Variants in PEBP4 observed in about 807,000 individuals in gnomAD.
PEBP4 encodes the protein phosphatidylethanolamine-binding protein 4.
In PEBP4, 22 loss-of-function variants were observed where a neutral mutation model predicts 23.9. That is an observed-to-expected ratio of 0.92 (90% confidence interval 0.66 to 1.31). The LOEUF is 1.31. Among genes scored for constraint, PEBP4 ranks in the 40% most tolerant of loss-of-function variants. PEBP4 has a pLI of 0.00. For missense variants in PEBP4, 324 were observed against 281.7 expected (o/e 1.15, Z -1.07); for synonymous variants, 112 against 99.3 (o/e 1.13, Z -0.76).
intron 4 of PEBP4, among the ~76,000 whole-genome samples, chr8:22,797,847 G>C (rs1021123563): frequency 1.3e-5 from 2 of 152,214 alleles, no homozygotes; most frequent in Non-Finnish European, 2.9e-5. Context: ...GTCAGAGTGA[G>C]TGCCCTGACC....
At chr8:22,793,614 T>G (rs1021654612) in intron 4 of PEBP4, among the ~76,000 whole-genome samples, 4 of 152,150 alleles carry the variant, frequency 2.6e-5, no homozygotes, top group Non-Finnish European at 5.9e-5. Flanking sequence ...GTAATTTATT[T>G]GCCAACTGTG....
At chr8:22,731,980 C>A (rs1018731427) in intron 4 of PEBP4, among the ~76,000 whole-genome samples, 5 of 152,170 alleles carry the variant, frequency 3.3e-5, no homozygotes, top group African/African-American at 1.2e-4. Context: ...CAGCCCCATA[C>A]CCCCTCATTG....
At chr8:22,726,878 G>C (rs1246095113) in intron 5 of PEBP4, among the ~76,000 whole-genome samples, 1 of 151,856 alleles carries the variant, frequency 6.6e-6, no homozygotes. Flanking sequence ...AAGGATGGGG[G>C]TGGACAGGGG....
chr8:22,886,265 A>C (rs1808372981), intron 3 of PEBP4: 1 of 152,238 alleles, frequency 6.6e-6, no homozygotes, highest in African/African-American at 2.4e-5. Context: ...AACACGGCAC[A>C]GTTCTGGAAG....
chr8:22,829,892 C>A (rs1270275005), intron 3 of PEBP4, among the ~76,000 whole-genome samples: 1 of 152,176 alleles, frequency 6.6e-6, no homozygotes, highest in East Asian at 1.9e-4. Context: ...CAATCTGCCC[C>A]CATCGCTTCT....
At chr8:22,782,609 A>G (rs1332722923) in intron 4 of PEBP4, among the ~76,000 whole-genome samples, 1 of 152,212 alleles carries the variant, frequency 6.6e-6, no homozygotes, top group Admixed American at 6.5e-5. Context: ...AGAGTTCTTA[A>G]CCCAGGACTC....
chr8:22,931,441 TG>T (rs1326837288), upstream of PEBP4, among the ~76,000 whole-genome samples: 4 of 152,156 alleles, frequency 2.6e-5, no homozygotes. Flanking sequence ...TCCGTCTCTA[TG>T]AATTTGCCTA....
At chr8:22,835,838 A>G (rs969339573) in intron 3 of PEBP4, among the ~76,000 whole-genome samples, 1 of 152,212 alleles carries the variant, frequency 6.6e-6, no homozygotes, top group Non-Finnish European at 1.5e-5. Flanking sequence ...ATTTGAAAGC[A>G]TTTATCACGG....
At chr8:22,927,544 A>G in intron 2 of PEBP4, 40 bp downstream of exon 2, 1 of 1,584,406 alleles carries the variant, frequency 6.3e-7, no homozygotes, top group South Asian at 1.1e-5. Flanking sequence ...CCTGCCTGGT[A>G]GCCTCTGTGC....
At chr8:22,727,719 G>T (rs1257503707) in intron 4 of PEBP4, among the ~76,000 whole-genome samples, 1 of 152,136 alleles carries the variant, frequency 6.6e-6, no homozygotes, top group Non-Finnish European at 1.5e-5. Flanking sequence ...TGGGCTCAGA[G>T]CAACCAGCGG....
rs1806873619 is a variant in PEBP4, at chr8:22,822,198, T to C, written c.259-4463A>G. On this transcript the variant is annotated intron_variant, in intron 3 of 6. Coordinates refer to ENST00000256404, the MANE Select transcript of PEBP4 (RefSeq NM_144962.3). Reference sequence around the variant, plus strand: ...AAGATGATTAGTTTAAAGGTAAAAATAATGACCGTTGGATTTTAAGACCCA... The same window carrying C: ...AAGATGATTAGTTTAAAGGTAAAAACAATGACCGTTGGATTTTAAGACCCA... Among the ~76,000 whole-genome samples, 7 of 152,098 alleles carry C rather than the reference T, an allele frequency of 4.6e-5. No homozygotes were observed. The South Asian group carries it at 1.2e-3, about 27-fold the overall frequency.
chr8:22,720,460 G>C (rs1804496176), intron 6 of PEBP4, among the ~76,000 whole-genome samples: 1 of 152,236 alleles, frequency 6.6e-6, no homozygotes, highest in Non-Finnish European at 1.5e-5. Context: ...AAGTAGTTCA[G>C]GGACGTCTGG....
chr8:22,894,547 A>C (rs932353206), intron 3 of PEBP4, among the ~76,000 whole-genome samples: 7 of 152,192 alleles, frequency 4.6e-5, no homozygotes, highest in African/African-American at 1.7e-4. Flanking sequence ...ATGCCACTGC[A>C]CTCCAGCTTG....
At chr8:22,864,842 G>A (rs1447642772) in intron 3 of PEBP4, among the ~76,000 whole-genome samples, 2 of 152,166 alleles carry the variant, frequency 1.3e-5, no homozygotes, top group African/African-American at 2.4e-5. Flanking sequence ...GGGGCCGCTG[G>A]GCACCGCCGA....
chr8:22,798,728 C>CTTTTTTTTTTT (rs58435864), intron 4 of PEBP4: 51 of 84,214 alleles, frequency 6.1e-4, no homozygotes, highest in Non-Finnish European at 7.4e-4. Flanking sequence ...TTTCTTTTTT[C>CTTTTTTTTTTT]TTTTTTTTTT....
At chr8:22,808,611 T>A (rs1278867399) in intron 4 of PEBP4, among the ~76,000 whole-genome samples, 1 of 152,206 alleles carries the variant, frequency 6.6e-6, no homozygotes, top group Admixed American at 6.5e-5. Context: ...AGAGCAAGCC[T>A]TTCGGCAGAG....
intron 3 of PEBP4, among the ~76,000 whole-genome samples, chr8:22,866,065 G>A (rs1048479144): frequency 6.6e-6 from 1 of 152,206 alleles, no homozygotes; most frequent in Non-Finnish European, 1.5e-5. Flanking sequence ...AGCCAGAGAC[G>A]AGCCCCAAGA....
At chr8:22,817,844 C>A in intron 3 of PEBP4, 109 bp from the exon 4 acceptor site, 1 of 899,704 alleles carries the variant, frequency 1.1e-6, no homozygotes, top group East Asian at 2.4e-5. Flanking sequence ...CTGAGTAGCC[C>A]CTATGGCGTC....
chr8:22,761,598 G>A (rs1805508545), intron 4 of PEBP4, among the ~76,000 whole-genome samples: 1 of 152,204 alleles, frequency 6.6e-6, no homozygotes, highest in South Asian at 2.1e-4. Flanking sequence ...ATGTCAGCAA[G>A]GAGCACTGAT....
Sources: gnomAD v4.1 joint callset for allele counts (sites outside exome capture counted in the v4.1 genomes callset) on GRCh38, gnomAD v4.1.1 for gene constraint, MANE v1.5 for transcripts, NCBI Gene and HGNC (gene_info 2026-07-23, HGNC 2026-07-21) for gene names.